CD300LG: variants seen among roughly 807,000 people sequenced by gnomAD.
The protein encoded by CD300LG is CMRF35-like molecule 9.
CD300LG carries 29 observed loss-of-function variants against 31.5 expected under a neutral mutation model. The ratio of observed to expected loss-of-function variants is 0.92; its 90% CI spans 0.68 to 1.25. CD300LG has a LOEUF of 1.25. Among genes scored for constraint, CD300LG ranks in the 50% most tolerant of loss-of-function variants. CD300LG has a pLI of 0.00. For missense variants in CD300LG, 396 were observed against 417.6 expected (o/e 0.95, Z 0.45); for synonymous variants, 175 against 177.2 (o/e 0.99, Z 0.10).
chr17:43,847,383 GC>G, intron 1 of CD300LG, 124 bp downstream of exon 1: 2 of 1,017,478 alleles, frequency 2.0e-6, no homozygotes, highest in Non-Finnish European at 1.4e-6. Flanking sequence ...CCCTAGGGGA[GC>G]GGGGCGGGCT....
Position 43,848,696 on chromosome 17 carries a change from G to GCT in CD300LG, c.185_186dup (p.Gly63LeufsTer14). The GCT allele has an allele frequency of 6.2e-7, 1 of 1,614,128 alleles. No homozygotes were observed. The stretch of plus-strand genomic sequence containing the variant: ...AAGGGTGGGATCCTCTTCTCTCGCT[G>GCT]CTCTGGCACCATCTATGCAGAAGAA... On this transcript the variant is annotated frameshift_variant, in exon 2 of 7. Coordinates refer to ENST00000317310, the MANE Select transcript of CD300LG (RefSeq NM_145273.4). LOFTEE classifies it high-confidence loss of function.
In CD300LG at chr17:43,853,972, C is replaced by A; in HGVS notation, c.647C>A (p.Pro216His). 1.9e-6 allele frequency: 3 copies of A among 1,614,184 alleles called. No homozygotes were observed. Among genetic ancestry groups the A allele is most frequent in the Non-Finnish European group, 2.5e-6 (3 of 1,180,016 alleles). Residue 216 changes from proline to histidine, a missense_variant, in exon 4 of 7, where the codon CCC (proline) becomes CAC (histidine). By Grantham distance (77) the Pro-to-His change is moderately conservative (BLOSUM62 -2). Coordinates refer to ENST00000317310, the MANE Select transcript of CD300LG (RefSeq NM_145273.4). ...TCTCCTCCTGCAGGGAGCTCCCGCC[C>A]CCCCATGCAGCTGGACTCCACCTCA... ...ATSPPAGSSR[P>H]PMQLDSTSAE...
At chr17:43,856,151 T>C (rs2046513991) in intron 5 of CD300LG, among the ~76,000 whole-genome samples, 1 of 151,944 alleles carries the variant, frequency 6.6e-6, no homozygotes. Context: ...ACCCAATATA[T>C]CCCAAACATT....
At chr17:43,851,640 ATTTTT>A (rs60784804) in intron 2 of CD300LG, among the ~76,000 whole-genome samples, 1,193 of 111,852 alleles carry the variant, frequency 0.011, 14 homozygotes, top group African/African-American at 0.041. Flanking sequence ...GAGGACAGGA[ATTTTT>A]TTTTTTTTTT....
chr17:43,851,630 G>C (rs766495783), intron 2 of CD300LG, among the ~76,000 whole-genome samples: 2 of 149,004 alleles, frequency 1.3e-5, no homozygotes, highest in Non-Finnish European at 3.0e-5. Flanking sequence ...GCTGGGCACA[G>C]AGGACAGGAA....
chr17:43,851,687 C>G (rs767414590), intron 2 of CD300LG, among the ~76,000 whole-genome samples: 1 of 137,918 alleles, frequency 7.3e-6, no homozygotes, highest in African/African-American at 2.7e-5. Context: ...CTCGCTCTGT[C>G]GCCCAGGCTG....
rs149468493 is a variant in CD300LG, at chr17:43,858,647, C to T, written c.885+1491C>T. The T allele has an allele frequency of 6.1e-5, 60 of 985,422 alleles. No individual in the cohort carries two copies. In the African/African-American group the frequency reaches 8.2e-4, roughly 13 times the overall value. The allele number at this position is 985,422 out of a possible 1,614,324, so 61.0% of individuals were successfully genotyped here. A position where few individuals can be genotyped will look rare whatever the true frequency, so the allele number is the denominator to read the frequency against. Reference sequence around the variant, plus strand: ...GTCAGAGGCAAGAACCCTGTAAACACGATCAGGTGGGTGCTTCTGCTTTTT... The same window carrying T: ...GTCAGAGGCAAGAACCCTGTAAACATGATCAGGTGGGTGCTTCTGCTTTTT... On this transcript the variant is annotated intron_variant, in intron 6 of 6. Transcript: ENST00000317310.
At position 43,854,007 on chromosome 17, in the gene CD300LG, A is replaced by G. The variant is rs12453522; in HGVS notation, c.682A>G (p.Thr228Ala). 291,219 of 1,613,930 alleles carry G rather than the reference A, an allele frequency of 0.18. 32,577 individuals are homozygous for G. The highest frequency in any genetic ancestry group is 0.53 in the African/African-American group (39,731 of 74,958). Residue 228 changes from threonine (T) to alanine (A), a missense_variant, in exon 4 of 7, where the codon ACC becomes GCC. Physicochemically the swap from Thr to Ala is moderately conservative, Grantham distance 58 (BLOSUM62 0). Transcript: ENST00000317310. Reference sequence around the variant, plus strand: ...GCTGGACTCCACCTCAGCAGAGGACACCAGTCCAGCTCTCAGCAGTGGCAG... The same window carrying G: ...GCTGGACTCCACCTCAGCAGAGGACGCCAGTCCAGCTCTCAGCAGTGGCAG... ...MQLDSTSAED[T>A]SPALSSGSSK...
intron 3 of CD300LG, 114 bp from the exon 4 acceptor site, chr17:43,853,693 T>C: frequency 1.2e-6 from 1 of 811,040 alleles, no homozygotes; most frequent in Non-Finnish European, 2.0e-6. Flanking sequence ...GCTGGGGATG[T>C]TCCGAGAAAC....
At chr17:43,857,705 G>A in intron 6 of CD300LG, 1 of 1,388,536 alleles carries the variant, frequency 7.2e-7, no homozygotes, top group Non-Finnish European at 9.9e-7. Flanking sequence ...AGAGGGTAAA[G>A]GTCTTGCCCA....
At chr17:43,852,505 C>T (rs1176981906) in intron 2 of CD300LG, among the ~76,000 whole-genome samples, 2 of 152,196 alleles carry the variant, frequency 1.3e-5, no homozygotes, top group African/African-American at 2.4e-5. Flanking sequence ...TGAGCCACCA[C>T]ACCCGGCCTG....
chr17:43,847,963 C>A (rs2046231896), intron 1 of CD300LG, among the ~76,000 whole-genome samples: 1 of 151,856 alleles, frequency 6.6e-6, no homozygotes, highest in South Asian at 2.1e-4. Context: ...CAAAACAAAA[C>A]CAGGCACGGT....
chr17:43,861,945 A>G lies in CD300LG; in HGVS notation c.*34A>G. On this transcript the variant is annotated 3_prime_UTR_variant, in exon 7 of 7. Transcript: ENST00000317310. Reference sequence around the variant, plus strand: ...GCCCTCCTGGCCAGGCCAGCAGTGAAGCAGTATGGCTGGCTGGATCAGCAC... The same window carrying G: ...GCCCTCCTGGCCAGGCCAGCAGTGAGGCAGTATGGCTGGCTGGATCAGCAC... 1 of 1,483,572 alleles carries G rather than the reference A, an allele frequency of 6.7e-7. No homozygotes were observed. Among genetic ancestry groups the G allele is most frequent in the Admixed American group, 2.0e-5 (1 of 50,282 alleles). 91.9% of individuals were successfully genotyped at this position (1,483,572 alleles called of 1,614,324 possible).
Position 43,862,036 on chromosome 17 carries a change from CCCTCCCCAGGCTCT to C in CD300LG, c.*130_*143del. Reference sequence around the variant, plus strand: ...TGCCCGGACTCCAGGGCTCTCCCCACCCTCCCCAGGCTCTCCTCTTGCATGTTCCAGCCTGACCT... The same window carrying C: ...TGCCCGGACTCCAGGGCTCTCCCCACCCTCTTGCATGTTCCAGCCTGACCT... On this transcript the variant is annotated 3_prime_UTR_variant, in exon 7 of 7. Coordinates refer to ENST00000317310, the MANE Select transcript of CD300LG (RefSeq NM_145273.4). 1 of 603,660 alleles carries C rather than the reference CCCTCCCCAGGCTCT, an allele frequency of 1.7e-6. No homozygotes were observed. Among genetic ancestry groups the C allele is most frequent in the Non-Finnish European group, 2.8e-6 (1 of 358,024 alleles). The allele number at this position is 603,660 out of a possible 1,614,324, so 37.4% of individuals were successfully genotyped here. A position where few individuals can be genotyped will look rare whatever the true frequency, so the allele number is the denominator to read the frequency against.
intron 2 of CD300LG, among the ~76,000 whole-genome samples, chr17:43,850,940 G>T (rs2046331209): frequency 6.6e-6 from 1 of 152,004 alleles, no homozygotes; most frequent in Non-Finnish European, 1.5e-5. Context: ...TTCAAGACCA[G>T]CCTGGCCAAA....
chr17:43,854,469 G>A (rs986828109), intron 4 of CD300LG, among the ~76,000 whole-genome samples: 1 of 152,210 alleles, frequency 6.6e-6, no homozygotes, highest in African/African-American at 2.4e-5. Context: ...CTTGGCTACC[G>A]ACATCCAGGC....
At chr17:43,857,442 T>G in intron 6 of CD300LG, 1 of 1,537,214 alleles carries the variant, frequency 6.5e-7, no homozygotes, top group Non-Finnish European at 8.7e-7. Flanking sequence ...TCCAGGCGCC[T>G]TCTTTCCATC....
chr17:43,860,018 G>C (rs1401724116), intron 6 of CD300LG, among the ~76,000 whole-genome samples: 1 of 152,214 alleles, frequency 6.6e-6, no homozygotes, highest in Non-Finnish European at 1.5e-5. Context: ...TTACAGGCAA[G>C]AGCCACCACA....
Position 43,848,843 on chromosome 17 carries a change from A to G in CD300LG, c.329A>G (p.Glu110Gly). 6.2e-7 allele frequency: 1 copy of G among 1,614,038 alleles called. No individual in the cohort carries two copies. Among genetic ancestry groups the G allele is most frequent in the South Asian group, 1.1e-5 (1 of 91,070 alleles). ...QDAGEYWCGV[E>G]KRGPDESLLI... ...GCTGGGGAGTACTGGTGTGGGGTCG[A>G]AAAACGGGGCCCCGATGAGTCTTTA... The change falls in exon 2 of 7, where the codon GAA (glutamate) becomes GGA (glycine). Residue 110 changes from glutamate to glycine, a missense_variant. Transcript: ENST00000317310.
Sources: allele counts gnomAD v4.1 joint callset (sites outside exome capture counted in the v4.1 genomes callset), GRCh38; gene constraint gnomAD v4.1.1; transcripts MANE v1.5; gene names NCBI Gene and HGNC (gene_info 2026-07-23, HGNC 2026-07-21).